Variants in CACNA2D1 observed in about 807,000 individuals in gnomAD.
The protein encoded by CACNA2D1 is calcium voltage-gated channel auxiliary subunit alpha2delta 1.
A neutral mutation model predicts 171.5 loss-of-function variants in CACNA2D1; 53 were observed. The ratio of observed to expected loss-of-function variants is 0.31; its 90% CI spans 0.25 to 0.39. CACNA2D1 has a LOEUF of 0.39. Among genes scored for constraint, CACNA2D1 ranks in the 10% least tolerant of loss-of-function variants. The probability of loss-of-function intolerance (pLI) is 1.00; values close to 1 mark genes in which losing one functional copy is unlikely to be tolerated. For synonymous variants in CACNA2D1, 442 were observed against 443.1 expected, an observed-to-expected ratio of 1.00 and a Z score of 0.03; for missense variants, 903 against 1,299.8, an observed-to-expected ratio of 0.69 and a Z score of 4.69.
At chr7:81,974,144 A>C (rs1277682121) in intron 25 of CACNA2D1, among the ~76,000 whole-genome samples, 1 of 152,084 alleles carries the variant, frequency 6.6e-6, no homozygotes, top group African/African-American at 2.4e-5. Flanking sequence ...CTATAAAAAA[A>C]CCTTCAAAAG....
chr7:82,430,447 T>G (rs1266373481), intron 1 of CACNA2D1, among the ~76,000 whole-genome samples: 2 of 150,644 alleles, frequency 1.3e-5, no homozygotes, highest in East Asian at 3.9e-4. Context: ...ATTCCTGGCA[T>G]TGAAAGCTTG....
chr7:82,308,535 C>T (rs1209769127), intron 3 of CACNA2D1, among the ~76,000 whole-genome samples: 2 of 152,146 alleles, frequency 1.3e-5, no homozygotes, highest in African/African-American at 4.8e-5. Context: ...GCCACCTGTT[C>T]AACTAAATGG....
chr7:82,426,017 C>A (rs1829142252), intron 1 of CACNA2D1, among the ~76,000 whole-genome samples: 1 of 151,376 alleles, frequency 6.6e-6, no homozygotes, highest in Admixed American at 6.6e-5. Context: ...GTAATCCCAG[C>A]TAGTAGGGAG....
intron 12 of CACNA2D1, among the ~76,000 whole-genome samples, chr7:82,016,092 A>G (rs1562873065): frequency 6.6e-6 from 1 of 152,214 alleles, no homozygotes; most frequent in African/African-American, 2.4e-5. Flanking sequence ...CTCTCCAGGA[A>G]TTCCCAATCA....
intron 34 of CACNA2D1, among the ~76,000 whole-genome samples, chr7:81,963,413 C>T (rs1179028693): frequency 3.3e-5 from 5 of 151,694 alleles, no homozygotes; most frequent in African/African-American, 4.8e-5. Flanking sequence ...CCAGACGTAA[C>T]AGGAGGTTTA....
chr7:81,963,225 C>G (rs1794349249), intron 34 of CACNA2D1, among the ~76,000 whole-genome samples: 1 of 151,808 alleles, frequency 6.6e-6, no homozygotes, highest in Non-Finnish European at 1.5e-5. Flanking sequence ...TAAAAACTCT[C>G]AAAATTTTAA....
intron 38 of CACNA2D1, among the ~76,000 whole-genome samples, chr7:81,956,321 C>T (rs1793338545): frequency 6.6e-6 from 1 of 151,836 alleles, no homozygotes; most frequent in Admixed American, 6.6e-5. Context: ...CTGGCCTACT[C>T]AAGAGCAATA....
chr7:82,112,248 G>T (rs1310589200), intron 6 of CACNA2D1, among the ~76,000 whole-genome samples: 1 of 152,020 alleles, frequency 6.6e-6, no homozygotes, highest in African/African-American at 2.4e-5. Flanking sequence ...GTTATCCAAA[G>T]AATAATTTCA....
chr7:82,139,561 T>A (rs919724380), intron 4 of CACNA2D1, among the ~76,000 whole-genome samples: 1 of 152,172 alleles, frequency 6.6e-6, no homozygotes, highest in African/African-American at 2.4e-5. Context: ...AAACTCTATG[T>A]TGCTTTTAAA....
chr7:82,436,309 C>T (rs1830114160), intron 1 of CACNA2D1, among the ~76,000 whole-genome samples: 1 of 152,076 alleles, frequency 6.6e-6, no homozygotes, highest in Admixed American at 6.6e-5. Flanking sequence ...TGCTTACCTG[C>T]AAGTTATTTC....
chr7:82,431,287 A>T (rs1274550123), intron 1 of CACNA2D1, among the ~76,000 whole-genome samples: 4 of 152,208 alleles, frequency 2.6e-5, no homozygotes, highest in African/African-American at 9.6e-5. Context: ...ATCCATAGTC[A>T]TCAATTCGTG....
At chr7:82,130,077 T>C (rs1455102519) in intron 5 of CACNA2D1, among the ~76,000 whole-genome samples, 1 of 152,250 alleles carries the variant, frequency 6.6e-6, no homozygotes, top group Non-Finnish European at 1.5e-5. Context: ...TCTTAAACTA[T>C]ACTTCAGAAC....
At chr7:82,274,543 T>G (rs781032198) in intron 3 of CACNA2D1, among the ~76,000 whole-genome samples, 38 of 152,294 alleles carry the variant, frequency 2.5e-4, no homozygotes, top group Non-Finnish European at 5.1e-4. Flanking sequence ...ACTCTTGGGT[T>G]ATAGACACCG....
In CACNA2D1 at chr7:82,443,566, G is replaced by C. The variant is rs1221100495; in HGVS notation, c.-107C>G. ...AGCACACGCCGCCGGGACCGCGGGC[G>C]TCTGGAGGGCTGGCTGCGCCCGGGG... is the stretch of plus-strand genomic sequence containing the variant. On this transcript the variant is annotated 5_prime_UTR_variant, in exon 1 of 39. Transcript: ENST00000356860. The C allele has an allele frequency of 1.3e-6, 2 of 1,502,716 alleles. No homozygotes were observed. Among genetic ancestry groups the C allele is most frequent in the Non-Finnish European group, 1.8e-6 (2 of 1,124,032 alleles). The allele number at this position is 1,502,716 out of a possible 1,614,324, so 93.1% of individuals were successfully genotyped here. A position where few individuals can be genotyped will look rare whatever the true frequency, so the allele number is the denominator to read the frequency against.
chr7:82,086,445 A>C (rs916069136), intron 6 of CACNA2D1, among the ~76,000 whole-genome samples: 8 of 152,144 alleles, frequency 5.3e-5, no homozygotes, highest in African/African-American at 1.4e-4. Flanking sequence ...CATGAGCTGC[A>C]TCAGATCCAT....
chr7:82,300,044 C>T (rs1190041823), intron 3 of CACNA2D1, among the ~76,000 whole-genome samples: 2 of 152,096 alleles, frequency 1.3e-5, no homozygotes, highest in African/African-American at 4.8e-5. Context: ...GTGATCATTG[C>T]TCTGAAGATA....
intron 4 of CACNA2D1, among the ~76,000 whole-genome samples, chr7:82,151,868 G>A (rs906564146): frequency 6.6e-6 from 1 of 152,056 alleles, no homozygotes; most frequent in Non-Finnish European, 1.5e-5. Context: ...CAGGTGAGAA[G>A]AATAAAGAGA....
chr7:82,350,597 G>A (rs536050957), intron 1 of CACNA2D1, among the ~76,000 whole-genome samples: 15 of 152,234 alleles, frequency 9.9e-5, no homozygotes, highest in Admixed American at 3.3e-4. Flanking sequence ...CCCAAGAGGC[G>A]GAGCTTGCAG....
chr7:82,059,424 A>G (rs920914921), intron 10 of CACNA2D1, among the ~76,000 whole-genome samples: 5 of 152,098 alleles, frequency 3.3e-5, no homozygotes, highest in African/African-American at 1.2e-4. Flanking sequence ...AACAAGAAAA[A>G]CATACTATAA....
Sources: gnomAD v4.1 joint callset for allele counts (sites outside exome capture counted in the v4.1 genomes callset) on GRCh38, gnomAD v4.1.1 for gene constraint, MANE v1.5 for transcripts, NCBI Gene and HGNC (gene_info 2026-07-23, HGNC 2026-07-21) for gene names.